Variants in WDPCP observed in about 807,000 individuals in gnomAD.
The protein encoded by WDPCP is WD repeat-containing and planar cell polarity effector protein fritz homolog.
A neutral mutation model predicts 93.1 loss-of-function variants in WDPCP; 71 were observed. That is an observed-to-expected ratio of 0.76 (90% confidence interval 0.63 to 0.93). The LOEUF (loss-of-function observed/expected upper bound fraction) is 0.93. WDPCP is among the 40% of genes least tolerant of loss of function. The pLI is 0.00. For synonymous variants in WDPCP, 315 were observed against 315.0 expected (o/e 1.00, Z 0.00); for missense variants, 844 against 887.4 (o/e 0.95, Z 0.62).
In WDPCP at chr2:63,704,365, T is replaced by C. The variant is rs571920229; in HGVS notation, n.309-53527A>G. ...AATAGGAGTGGTGAGAGAGGGCATCTCTGTCTTGTGCCAGTTTTCAAAGGG... is the reference window on the plus strand; with the variant it reads ...AATAGGAGTGGTGAGAGAGGGCATCCCTGTCTTGTGCCAGTTTTCAAAGGG... On this transcript the variant is annotated intron_variant and non_coding_transcript_variant, in intron 2 of 4. Coordinates refer to the WDPCP transcript ENST00000467687. 5.9e-3 allele frequency among the ~76,000 whole-genome samples: 895 copies of C among 152,192 alleles called. 10 individuals carry two copies. The highest frequency in any genetic ancestry group is 0.02 in the African/African-American group (838 of 41,498).
intron 3 of WDPCP, chr2:63,622,910 G>T: frequency 8.0e-7 from 1 of 1,243,418 alleles, no homozygotes; most frequent in Non-Finnish European, 1.1e-6. Flanking sequence ...GCCGGGCCAG[G>T]CCGGGGCTCG....
chr2:63,599,546 A>C (rs377623828), intron 3 of WDPCP: 2 of 267,086 alleles, frequency 7.5e-6, no homozygotes, highest in Non-Finnish European at 1.4e-5. Context: ...AACTATAATG[A>C]AATGCAGTTA....
intron 13 of WDPCP, among the ~76,000 whole-genome samples, chr2:63,280,617 G>A (rs1021830806): frequency 2.6e-5 from 4 of 152,120 alleles, no homozygotes; most frequent in Admixed American, 1.3e-4. Flanking sequence ...CATGGTACTG[G>A]TATAAAAATA....
intron 9 of WDPCP, among the ~76,000 whole-genome samples, chr2:63,414,479 A>G (rs1306254040): frequency 6.6e-6 from 1 of 151,656 alleles, no homozygotes; most frequent in Non-Finnish European, 1.5e-5. Flanking sequence ...ATATACACAC[A>G]CACACACACA....
intron 6 of WDPCP, among the ~76,000 whole-genome samples, chr2:63,476,250 T>A (rs1699965476): frequency 6.6e-6 from 1 of 152,108 alleles, no homozygotes; most frequent in Admixed American, 6.6e-5. Flanking sequence ...GTCAGTTCCT[T>A]AATATAACAT....
intron 2 of WDPCP, among the ~76,000 whole-genome samples, chr2:63,785,233 TG>T (rs905749675): frequency 5.9e-5 from 9 of 152,188 alleles, no homozygotes; most frequent in African/African-American, 2.2e-4. Flanking sequence ...ATGTCTTTTT[TG>T]TTCCCAGGTT....
intron 13 of WDPCP, among the ~76,000 whole-genome samples, chr2:63,306,475 A>T (rs1048116460): frequency 9.9e-5 from 15 of 152,202 alleles, no homozygotes; most frequent in Admixed American, 2.6e-4. Flanking sequence ...GATGGAAATC[A>T]ATGTAAAAAT....
At chr2:63,628,046 C>A (rs1709827974) in intron 3 of WDPCP, among the ~76,000 whole-genome samples, 1 of 152,208 alleles carries the variant, frequency 6.6e-6, no homozygotes. Context: ...CTGGATCCTG[C>A]CGCGAGGACT....
intron 1 of WDPCP, among the ~76,000 whole-genome samples, chr2:63,510,468 C>T (rs552485802): frequency 3.6e-4 from 55 of 152,294 alleles, no homozygotes; most frequent in African/African-American, 1.3e-3. Context: ...AATCCACAAC[C>T]AGTATCATAC....
chr2:63,614,051 C>G (rs1364676755), intron 3 of WDPCP, among the ~76,000 whole-genome samples: 2 of 152,176 alleles, frequency 1.3e-5, no homozygotes, highest in Non-Finnish European at 2.9e-5. Flanking sequence ...CCTCCGTTCA[C>G]AGGGAAGTTC....
intron 1 of WDPCP, among the ~76,000 whole-genome samples, chr2:63,541,125 C>T (rs1704687799): frequency 6.6e-6 from 1 of 152,088 alleles, no homozygotes; most frequent in South Asian, 2.1e-4. Flanking sequence ...AGGCATGTGT[C>T]ATCACATCTG....
chr2:63,294,933 C>T (rs1235456893), intron 13 of WDPCP, among the ~76,000 whole-genome samples: 1 of 151,926 alleles, frequency 6.6e-6, no homozygotes, highest in Non-Finnish European at 1.5e-5. Flanking sequence ...GAGACAGATA[C>T]ATTTAAAAGA....
upstream of WDPCP, chr2:63,588,967 C>A: frequency 1.2e-6 from 2 of 1,606,206 alleles, no homozygotes; most frequent in South Asian, 2.2e-5. Flanking sequence ...CTCTCCGAGT[C>A]AGTTCCGCGG....
intron 1 of WDPCP, among the ~76,000 whole-genome samples, chr2:63,827,427 G>T (rs1341081157): frequency 6.6e-6 from 1 of 152,032 alleles, no homozygotes; most frequent in African/African-American, 2.4e-5. Context: ...CATGTTGATT[G>T]CATATTGGCC....
chr2:63,524,302 T>TC (rs34612349), intron 1 of WDPCP, among the ~76,000 whole-genome samples: 123,329 of 152,132 alleles, frequency 0.81, 50,641 homozygotes, highest in East Asian at 0.99. Flanking sequence ...GCCAAAGCAA[T>TC]CTAAGCAAAA....
intron 1 of WDPCP, among the ~76,000 whole-genome samples, chr2:63,575,638 A>G (rs1337661019): frequency 6.7e-6 from 1 of 148,912 alleles, no homozygotes; most frequent in African/African-American, 2.4e-5. Context: ...ACTATACAGT[A>G]TATATACTGT....
At chr2:63,532,706 G>A (rs192722258) in intron 1 of WDPCP, among the ~76,000 whole-genome samples, 1 of 152,268 alleles carries the variant, frequency 6.6e-6, no homozygotes, top group African/African-American at 2.4e-5. Context: ...TCTCCTATAG[G>A]AAGCACTAAA....
chr2:63,480,171 C>T (rs1489673256), intron 6 of WDPCP, among the ~76,000 whole-genome samples: 2 of 151,852 alleles, frequency 1.3e-5, no homozygotes, highest in Admixed American at 1.3e-4. Flanking sequence ...TAGATATATA[C>T]CTAACCAAGG....
chr2:63,229,393 CT>C (rs1200772884), intron 14 of WDPCP: 8 of 152,090 alleles, frequency 5.3e-5, no homozygotes, highest in Non-Finnish European at 1.2e-4. Flanking sequence ...TGCCTGTCCA[CT>C]CTGATGGTAG....
Sources: gnomAD v4.1 joint callset for allele counts (sites outside exome capture counted in the v4.1 genomes callset) on GRCh38, gnomAD v4.1.1 for gene constraint, MANE v1.5 for transcripts, NCBI Gene and HGNC (gene_info 2026-07-23, HGNC 2026-07-21) for gene names.